The following MKX variants were observed in gnomAD, a reference collection of about 807,000 sequenced individuals.
MKX encodes mohawk homeobox, also known as homeobox protein Mohawk.
MKX carries 13 observed loss-of-function variants against 36.0 expected under a neutral mutation model. That is an observed-to-expected ratio of 0.36 (90% CI 0.24 to 0.57). The LOEUF is 0.57. MKX is among the 20% of genes least tolerant of loss of function. The probability of loss-of-function intolerance (pLI) is 0.79; values close to 1 mark genes in which losing one functional copy is unlikely to be tolerated. For missense variants in MKX, 458 were observed against 456.4 expected, an observed-to-expected ratio of 1.00 and a Z score of -0.03; for synonymous variants, 176 against 178.3, an observed-to-expected ratio of 0.99 and a Z score of 0.10.
In MKX at chr10:27,741,249, A is replaced by T; in HGVS notation, c.348+96T>A. ...AGCTCGGCTCCATCCCTCTCCAGGT[A>T]GAAGCGCCACGTGGAGAGCCACACG... On this transcript the variant is annotated intron_variant, in intron 3 of 6. Transcript: ENST00000419761. The surrounding 1 kb of genome is among the most constrained non-coding windows in gnomAD (Gnocchi z 5.1). 6.7e-7 allele frequency: 1 copy of T among 1,486,618 alleles called. No homozygotes were observed. Among genetic ancestry groups the T allele is most frequent in the Non-Finnish European group, 9.2e-7 (1 of 1,081,990 alleles). 92.1% of individuals were successfully genotyped at this position (1,486,618 alleles called of 1,614,324 possible).
chr10:27,744,614 C>G lies in MKX; in HGVS notation c.-83+1093G>C, dbSNP rs1039622544. Among the ~76,000 whole-genome samples the G allele has an allele frequency of 6.6e-6, 1 of 152,242 alleles. No individual in the cohort carries two copies. Among genetic ancestry groups the G allele is most frequent in the South Asian group, 2.1e-4 (1 of 4,826 alleles). On this transcript the variant is annotated intron_variant, in intron 1 of 6. Transcript: ENST00000419761. The surrounding 1 kb of genome is among the most constrained non-coding windows in gnomAD (Gnocchi z 5.6). ...TCGCCTCGCGCCTCGGGACAGCTCC[C>G]GTTTCCTCCGAGCGGCCTCAGCTTC...
chr10:27,714,544 A>G (rs1489224808), intron 5 of MKX, among the ~76,000 whole-genome samples: 1 of 152,194 alleles, frequency 6.6e-6, no homozygotes, highest in Non-Finnish European at 1.5e-5. Flanking sequence ...TATGGTAGTC[A>G]CAGTTTGCCC....
intron 5 of MKX, among the ~76,000 whole-genome samples, chr10:27,726,644 T>C (rs988022168): frequency 2.0e-5 from 3 of 152,098 alleles, no homozygotes; most frequent in Non-Finnish European, 4.4e-5. Flanking sequence ...CGATTTAGTT[T>C]CATTTTACTC....
intron 5 of MKX, among the ~76,000 whole-genome samples, chr10:27,689,876 C>T (rs1414541850): frequency 2.0e-5 from 3 of 152,116 alleles, no homozygotes; most frequent in South Asian, 4.1e-4. Context: ...CAAGGAGAAC[C>T]GGTTCTGGCT....
intron 5 of MKX, among the ~76,000 whole-genome samples, chr10:27,730,710 G>A (rs181248895): frequency 1.4e-4 from 21 of 151,650 alleles, no homozygotes; most frequent in Admixed American, 4.6e-4. Flanking sequence ...TGCCTGCCTC[G>A]GCCTCCCAAA....
At chr10:27,680,836 A>G (rs926024922) in intron 5 of MKX, among the ~76,000 whole-genome samples, 3 of 152,224 alleles carry the variant, frequency 2.0e-5, no homozygotes, top group African/African-American at 7.2e-5. Context: ...GAGTAGAAGA[A>G]AAAAAACTTT....
At chr10:27,702,694 A>C (rs1282059227) in intron 5 of MKX, among the ~76,000 whole-genome samples, 1 of 152,220 alleles carries the variant, frequency 6.6e-6, no homozygotes, top group African/African-American at 2.4e-5. Context: ...AAGGAAATTT[A>C]ATGCAGGATC....
chr10:27,735,940 A>C (rs1834761009), intron 3 of MKX, among the ~76,000 whole-genome samples: 1 of 152,234 alleles, frequency 6.6e-6, no homozygotes, highest in Admixed American at 6.5e-5. Flanking sequence ...AAACCTGTGG[A>C]ACCAAGAGAA....
chr10:27,724,513 G>A (rs1589686709), intron 5 of MKX, among the ~76,000 whole-genome samples: 1 of 152,032 alleles, frequency 6.6e-6, no homozygotes, highest in South Asian at 2.1e-4. Context: ...GACTCACTTT[G>A]GGGAAGACTC....
intron 5 of MKX, among the ~76,000 whole-genome samples, chr10:27,680,098 A>G (rs1241190966): frequency 6.6e-6 from 1 of 152,196 alleles, no homozygotes; most frequent in South Asian, 2.1e-4. Flanking sequence ...TGCAAGTTGG[A>G]GCTAGCTCCT....
chr10:27,683,525 G>A (rs1016563334), intron 5 of MKX, among the ~76,000 whole-genome samples: 2 of 152,248 alleles, frequency 1.3e-5, no homozygotes, highest in Non-Finnish European at 2.9e-5. Context: ...CCTTGCTCAT[G>A]AGGACTGGCC....
chr10:27,707,557 A>T (rs1836779104), intron 5 of MKX, among the ~76,000 whole-genome samples: 5 of 152,142 alleles, frequency 3.3e-5, no homozygotes, highest in Admixed American at 2.6e-4. Context: ...GCGGGAACCC[A>T]GCACTGCTGT....
At chr10:27,697,078 T>C (rs1836569120) in intron 5 of MKX, among the ~76,000 whole-genome samples, 1 of 152,260 alleles carries the variant, frequency 6.6e-6, no homozygotes, top group Admixed American at 6.5e-5. Context: ...TCAGATTTAC[T>C]GGTGCAAGAA....
Position 27,703,768 on chromosome 10 carries a change from C to T in MKX, c.839-28214G>A, listed in dbSNP as rs144366308. 2.0e-3 allele frequency among the ~76,000 whole-genome samples: 303 copies of T among 152,006 alleles called. 1 individual carries two copies. The highest frequency in any genetic ancestry group is 6.9e-3 in the African/African-American group (287 of 41,472). ...TACAAAAATTATCCAGGCATGGTGG[C>T]GTGCACCTATAATCCCAACTACTCA... On this transcript the variant is annotated intron_variant, in intron 5 of 6. Coordinates refer to ENST00000419761, the MANE Select transcript of MKX (RefSeq NM_173576.3).
intron 5 of MKX, among the ~76,000 whole-genome samples, chr10:27,709,617 G>T (rs1409331735): frequency 6.6e-6 from 1 of 152,202 alleles, no homozygotes; most frequent in East Asian, 1.9e-4. Flanking sequence ...AAGACAGCAG[G>T]GCTTCCTGAA....
At chr10:27,689,811 G>C (rs759639931) in intron 5 of MKX, among the ~76,000 whole-genome samples, 1 of 152,062 alleles carries the variant, frequency 6.6e-6, no homozygotes, top group Non-Finnish European at 1.5e-5. Context: ...GGAAGAGACC[G>C]GTCACCCCTA....
intron 5 of MKX, among the ~76,000 whole-genome samples, chr10:27,707,038 C>T (rs569169210): frequency 1.3e-5 from 2 of 152,308 alleles, no homozygotes; most frequent in South Asian, 4.1e-4. Flanking sequence ...AAAGGATTCT[C>T]AATGATTATT....
intron 5 of MKX, among the ~76,000 whole-genome samples, chr10:27,700,768 G>A (rs758931030): frequency 6.6e-6 from 1 of 152,114 alleles, no homozygotes; most frequent in Non-Finnish European, 1.5e-5. Flanking sequence ...ACAAGAGGAA[G>A]GTGGTTTGTG....
At chr10:27,708,609 G>A (rs968878763) in intron 5 of MKX, among the ~76,000 whole-genome samples, 2 of 151,950 alleles carry the variant, frequency 1.3e-5, no homozygotes, top group African/African-American at 4.8e-5. Flanking sequence ...TGCGCCTCTA[G>A]TCTCAGCTAC....
Sources: allele counts gnomAD v4.1 joint callset (sites outside exome capture counted in the v4.1 genomes callset), GRCh38; gene constraint gnomAD v4.1.1; non-coding constraint Gnocchi (gnomAD v3.1); transcripts MANE v1.5; gene names NCBI Gene and HGNC (gene_info 2026-07-23, HGNC 2026-07-21).